KIAA0586: variants seen among roughly 807,000 people sequenced by gnomAD.
KIAA0586 encodes the protein KIAA0586.
Under a neutral mutation model 169.8 loss-of-function variants are expected in KIAA0586, and 144 were observed. That is an observed-to-expected ratio of 0.85 (90% confidence interval 0.74 to 0.97). KIAA0586 has a LOEUF of 0.97. Ranked by LOEUF, KIAA0586 falls within the 50% of genes least tolerant of loss-of-function variation. The probability of loss-of-function intolerance (pLI) is 0.00; values close to 1 mark genes in which losing one functional copy is unlikely to be tolerated. For missense variants in KIAA0586, 1,854 were observed against 1,823.0 expected (o/e 1.02, Z -0.31); for synonymous variants, 625 against 612.4 (o/e 1.02, Z -0.30).
chr14:58,456,908 G>T, intron 10 of KIAA0586, 98 bp downstream of exon 10: 2 of 669,788 alleles, frequency 3.0e-6, no homozygotes, highest in Non-Finnish European at 2.6e-6. Flanking sequence ...GAAGGATGAA[G>T]AAAAAGCACT....
chr14:58,526,352 C>T (rs1293541661), intron 29 of KIAA0586, among the ~76,000 whole-genome samples: 1 of 152,124 alleles, frequency 6.6e-6, no homozygotes, highest in African/African-American at 2.4e-5. Context: ...ACAAAGCTTC[C>T]AGAGGAAGGA....
chr14:58,453,020 C>T (rs1336167708), intron 8 of KIAA0586, among the ~76,000 whole-genome samples: 1 of 151,758 alleles, frequency 6.6e-6, no homozygotes, highest in East Asian at 1.9e-4. Context: ...CAGGTTCAAG[C>T]AATTCTCCTG....
At chr14:58,528,849 AAGATC>A (rs1321938852) in intron 29 of KIAA0586, among the ~76,000 whole-genome samples, 15 of 152,208 alleles carry the variant, frequency 9.9e-5, no homozygotes, top group Non-Finnish European at 1.8e-4. Flanking sequence ...AGAAATAACT[AAGATC>A]AGAGCAGAAC....
intron 29 of KIAA0586, 44 bp downstream of exon 29, chr14:58,512,671 T>C (rs1438737014): frequency 3.0e-6 from 3 of 1,006,662 alleles, no homozygotes; most frequent in South Asian, 3.3e-5. Context: ...TTGATACTTG[T>C]CTGAATATTG....
At position 58,498,948 on chromosome 14, in the gene KIAA0586, GAC is replaced by G; in HGVS notation, c.4160_4161del (p.Thr1387SerfsTer4). ...CDPKPLSRQFDTVSGSIYEDS... is the reference protein window; with the variant it reads ...CDPKPLSRQFXTVSGSIYEDS... ...TCCTAAACCATTATCTCGGCAATTT[GAC>G]ACAGTTTCAGGTAGACACCAAAATA... On this transcript the variant is annotated frameshift_variant, in exon 27 of 31. Coordinates refer to ENST00000652326, the MANE Select transcript of KIAA0586 (RefSeq NM_001329943.3). LOFTEE classifies it high-confidence loss of function. 1 of 1,601,626 alleles carries G rather than the reference GAC, an allele frequency of 6.2e-7. No homozygotes were observed. The highest frequency in any genetic ancestry group is 8.5e-7 in the Non-Finnish European group (1 of 1,174,018).
intron 28 of KIAA0586, among the ~76,000 whole-genome samples, chr14:58,511,630 C>T (rs1285442807): frequency 6.6e-6 from 1 of 152,098 alleles, no homozygotes; most frequent in Non-Finnish European, 1.5e-5. Flanking sequence ...ATATTTCCTT[C>T]GAGGCAGAAA....
At chr14:58,560,125 TG>T in the KIAA0586 span, among the ~76,000 whole-genome samples, 1 of 138,484 alleles carries the variant, frequency 7.2e-6, no homozygotes, top group East Asian at 2.1e-4. Flanking sequence ...CACTCTAGCC[TG>T]GGCAACACAG....
intron 10 of KIAA0586, among the ~76,000 whole-genome samples, chr14:58,457,126 T>G (rs1423583814): frequency 6.6e-6 from 1 of 152,204 alleles, no homozygotes; most frequent in African/African-American, 2.4e-5. Context: ...TGCCATTTCT[T>G]CCATACATAA....
At chr14:58,521,604 G>T in intron 29 of KIAA0586, 1 of 1,037,800 alleles carries the variant, frequency 9.6e-7, no homozygotes, top group East Asian at 2.5e-5. Flanking sequence ...AATTCTAAGA[G>T]AGGACAGCGG....
intron 14 of KIAA0586, chr14:58,464,099 C>G: frequency 2.4e-6 from 1 of 409,700 alleles, no homozygotes. Context: ...ATCACAGACC[C>G]CATGACACAG....
rs1292752792 is a variant in KIAA0586, at chr14:58,488,763, T to G, written c.3670T>G (p.Ser1224Ala). Reference protein sequence around the residue: ...SPSQMPGSDSSTLESTLSVTV... With the variant: ...SPSQMPGSDSATLESTLSVTV... ...CTCACAGATGCCAGGTTCTGATTCA[T>G]CAACACTGGAGAGCACATTGAGTGT... The change falls in exon 24 of 31, where the codon TCA (serine) becomes GCA (alanine). Residue 1224 changes from serine to alanine, a missense_variant. Ser to Ala is a moderately conservative substitution (Grantham distance 99, BLOSUM62 1). Coordinates refer to ENST00000652326, the MANE Select transcript of KIAA0586 (RefSeq NM_001329943.3). 2 of 1,613,908 alleles carry G rather than the reference T, an allele frequency of 1.2e-6. No individual in the cohort carries two copies. The highest frequency in any genetic ancestry group is 1.7e-6 in the Non-Finnish European group (2 of 1,179,844).
At position 58,472,190 on chromosome 14, in the gene KIAA0586, C is replaced by T. The variant is rs202018500; in HGVS notation, c.2554-9C>T. The T allele has an allele frequency of 7.6e-5, 115 of 1,510,478 alleles. 1 individual carries two copies. In the African/African-American group the frequency reaches 1.1e-3, roughly 14 times the overall value. 93.6% of individuals were successfully genotyped at this position (1,510,478 alleles called of 1,614,324 possible). ...GCACAACAAAAACTTTCTGAAAATGCTTTCTTAGACTCCAGAAATTATGAA... is the reference window on the plus strand; with the variant it reads ...GCACAACAAAAACTTTCTGAAAATGTTTTCTTAGACTCCAGAAATTATGAA... On this transcript the variant is annotated splice_polypyrimidine_tract_variant and intron_variant, in intron 17 of 30. Coordinates refer to ENST00000652326, the MANE Select transcript of KIAA0586 (RefSeq NM_001329943.3).
chr14:58,428,586 G>T, intron 1 of KIAA0586, 123 bp downstream of exon 1: 7 of 674,006 alleles, frequency 1.0e-5, no homozygotes, highest in Non-Finnish European at 1.2e-5. Flanking sequence ...AACTGACCCT[G>T]TTTCCCGGGA....
chr14:58,485,415 T>C (rs749609386), intron 21 of KIAA0586, among the ~76,000 whole-genome samples: 7 of 152,202 alleles, frequency 4.6e-5, no homozygotes, highest in Non-Finnish European at 1.0e-4. Flanking sequence ...GGGGAAATTG[T>C]CATTTTCCTA....
intron 9 of KIAA0586, among the ~76,000 whole-genome samples, chr14:58,455,890 G>A (rs2039798643): frequency 6.6e-6 from 1 of 152,152 alleles, no homozygotes; most frequent in Admixed American, 6.5e-5. Flanking sequence ...TGACCTTCTA[G>A]ATTCCTAGGA....
rs779292639 is a variant in KIAA0586, at chr14:58,472,183, G to A, written c.2554-16G>A. On this transcript the variant is annotated splice_polypyrimidine_tract_variant and intron_variant, in intron 17 of 30. Coordinates refer to ENST00000652326, the MANE Select transcript of KIAA0586 (RefSeq NM_001329943.3). ...GTGTTAAGCACAACAAAAACTTTCT[G>A]AAAATGCTTTCTTAGACTCCAGAAA... is the stretch of plus-strand genomic sequence containing the variant. The A allele has an allele frequency of 6.0e-6, 9 of 1,488,888 alleles. 1 individual carries two copies. The South Asian group carries it at 1.2e-4, about 20-fold the overall frequency. 92.2% of individuals were successfully genotyped at this position (1,488,888 alleles called of 1,614,324 possible).
chr14:58,464,463 A>G (rs1272438979), intron 14 of KIAA0586, among the ~76,000 whole-genome samples: 2 of 151,696 alleles, frequency 1.3e-5, no homozygotes, highest in African/African-American at 4.8e-5. Flanking sequence ...GTAAAAATGT[A>G]ATGTCAGGAA....
chr14:58,483,227 C>A (rs2042156919), intron 21 of KIAA0586, among the ~76,000 whole-genome samples: 2 of 152,092 alleles, frequency 1.3e-5, no homozygotes, highest in African/African-American at 4.8e-5. Flanking sequence ...GTTGAAAAAA[C>A]CAAATTTGTA....
intron 8 of KIAA0586, among the ~76,000 whole-genome samples, chr14:58,451,849 A>G (rs2039419307): frequency 1.3e-5 from 2 of 152,006 alleles, no homozygotes; most frequent in East Asian, 1.9e-4. Flanking sequence ...ACGCCTGGCT[A>G]ATTTTTTGTA....
Sources: allele counts gnomAD v4.1 joint callset (sites outside exome capture counted in the v4.1 genomes callset), GRCh38; gene constraint gnomAD v4.1.1; transcripts MANE v1.5; gene names NCBI Gene and HGNC (gene_info 2026-07-23, HGNC 2026-07-21).